Variants in OTOGL observed in about 807,000 individuals in gnomAD.
The protein encoded by OTOGL is otogelin-like protein.
OTOGL carries 285 observed loss-of-function variants against 318.5 expected under a neutral mutation model. That is an observed-to-expected ratio of 0.89 (90% CI 0.81 to 0.99). OTOGL has a LOEUF of 0.99. Among genes scored for constraint, OTOGL ranks in the 50% least tolerant of loss-of-function variants. OTOGL has a pLI of 0.00. For synonymous variants in OTOGL, 987 were observed against 936.5 expected, an observed-to-expected ratio of 1.05 and a Z score of -0.99; for missense variants, 2,899 against 2,845.6, an observed-to-expected ratio of 1.02 and a Z score of -0.43.
At chr12:80,269,556 A>T (rs1383242608) in intron 22 of OTOGL, among the ~76,000 whole-genome samples, 1 of 152,146 alleles carries the variant, frequency 6.6e-6, no homozygotes, top group African/African-American at 2.4e-5. Context: ...CCCTTCCTGC[A>T]TTGCACTTTG....
At position 80,368,169 on chromosome 12, in the gene OTOGL, G is replaced by A. The variant is rs750597065; in HGVS notation, c.6511-36G>A. On this transcript the variant is annotated intron_variant, in intron 54 of 58. Coordinates refer to ENST00000547103, the MANE Select transcript of OTOGL (RefSeq NM_001378609.3). ...CCAGAAGTAATTCATTAAAAATATT[G>A]ATATGGTGTCGCTAATCTAATATCA... The A allele has an allele frequency of 8.6e-6, 12 of 1,396,488 alleles. No individual in the cohort carries two copies. The East Asian group carries it at 2.2e-4, about 25-fold the overall frequency. The allele number at this position is 1,396,488 out of a possible 1,614,324, so 86.5% of individuals were successfully genotyped here. A position where few individuals can be genotyped will look rare whatever the true frequency, so the allele number is the denominator to read the frequency against.
intron 1 of OTOGL, among the ~76,000 whole-genome samples, chr12:80,153,474 T>G (rs1872917825): frequency 1.3e-5 from 2 of 152,212 alleles, no homozygotes; most frequent in East Asian, 1.9e-4. Flanking sequence ...TCTTCACTCA[T>G]GTATAGCCTC....
chr12:80,250,055 C>T (rs542912106), intron 11 of OTOGL, among the ~76,000 whole-genome samples: 17 of 152,124 alleles, frequency 1.1e-4, no homozygotes, highest in Admixed American at 9.8e-4. Flanking sequence ...CTGACCTGCG[C>T]CCACTGTCTG....
chr12:80,128,442 C>T (rs1871001498), intron 1 of OTOGL, among the ~76,000 whole-genome samples: 1 of 152,232 alleles, frequency 6.6e-6, no homozygotes, highest in Non-Finnish European at 1.5e-5. Flanking sequence ...AGGTGTCAGT[C>T]TGCCCCTACT....
At chr12:80,237,705 T>G (rs1240294956) in intron 9 of OTOGL, among the ~76,000 whole-genome samples, 1 of 152,094 alleles carries the variant, frequency 6.6e-6, no homozygotes, top group Non-Finnish European at 1.5e-5. Context: ...ATGGTAAAGT[T>G]TAGGATTTTA....
chr12:80,201,341 C>A (rs1316069869), intron 1 of OTOGL, among the ~76,000 whole-genome samples: 1 of 152,076 alleles, frequency 6.6e-6, no homozygotes, highest in African/African-American at 2.4e-5. Context: ...TGGTGAGGGC[C>A]TCAGGAAGCT....
chr12:80,345,195 A>T (rs1889111060), intron 44 of OTOGL, among the ~76,000 whole-genome samples: 1 of 132,558 alleles, frequency 7.5e-6, no homozygotes, highest in Non-Finnish European at 1.6e-5. Context: ...TTTATAATGT[A>T]TATTATATAT....
intron 44 of OTOGL, among the ~76,000 whole-genome samples, chr12:80,351,377 G>A (rs1889538230): frequency 6.6e-6 from 1 of 151,894 alleles, no homozygotes; most frequent in African/African-American, 2.4e-5. Flanking sequence ...GCACAGTGGT[G>A]CGATCTCGGC....
At chr12:80,307,316 T>A (rs1368134736) in intron 29 of OTOGL, among the ~76,000 whole-genome samples, 1 of 151,876 alleles carries the variant, frequency 6.6e-6, no homozygotes, top group Non-Finnish European at 1.5e-5. Flanking sequence ...CTCAATGAGC[T>A]GTTGGGTACA....
intron 26 of OTOGL, among the ~76,000 whole-genome samples, chr12:80,296,329 C>T (rs1040060703): frequency 6.6e-6 from 1 of 152,178 alleles, no homozygotes; most frequent in Non-Finnish European, 1.5e-5. Context: ...TTGGATAATA[C>T]ATGTAAAATT....
At chr12:80,349,846 A>G (rs1037338) in intron 44 of OTOGL, among the ~76,000 whole-genome samples, 141,451 of 152,296 alleles carry the variant, frequency 0.93, 65,762 homozygotes, top group East Asian at 1. Flanking sequence ...ACTGTGTACA[A>G]CGTGGTGTTT....
chr12:80,255,541 A>G (rs1323171580), intron 16 of OTOGL, among the ~76,000 whole-genome samples: 1 of 152,084 alleles, frequency 6.6e-6, no homozygotes, highest in East Asian at 1.9e-4. Flanking sequence ...CATTTTATGC[A>G]TGATTGTACA....
chr12:80,356,604 A>C, intron 48 of OTOGL, 84 bp downstream of exon 48: 1 of 1,136,066 alleles, frequency 8.8e-7, no homozygotes, highest in Admixed American at 2.7e-5. Flanking sequence ...TTGTGTCTCC[A>C]AGAGAATGAT....
intron 4 of OTOGL, among the ~76,000 whole-genome samples, chr12:80,216,931 A>C (rs939713557): frequency 6.6e-6 from 1 of 152,184 alleles, no homozygotes; most frequent in Admixed American, 6.5e-5. Flanking sequence ...CATGTACCCT[A>C]AAACTTAAAG....
chr12:80,184,879 A>G (rs1162717626), intron 1 of OTOGL, among the ~76,000 whole-genome samples: 2 of 152,192 alleles, frequency 1.3e-5, no homozygotes, highest in Admixed American at 1.3e-4. Flanking sequence ...GCATCTTATA[A>G]GTCAGTATTC....
chr12:80,122,686 C>T (rs904070098), intron 1 of OTOGL, among the ~76,000 whole-genome samples: 2 of 152,058 alleles, frequency 1.3e-5, no homozygotes, highest in African/African-American at 4.8e-5. Context: ...TGTCTTTTAC[C>T]TTTCTGAGTA....
At chr12:80,125,713 A>G (rs1485461759) in intron 1 of OTOGL, among the ~76,000 whole-genome samples, 2 of 152,114 alleles carry the variant, frequency 1.3e-5, no homozygotes, top group African/African-American at 4.8e-5. Context: ...CCTCAATTTC[A>G]GAGCCTGTTA....
intron 7 of OTOGL, among the ~76,000 whole-genome samples, chr12:80,227,362 A>T (rs866091150): frequency 3.9e-5 from 6 of 152,144 alleles, no homozygotes; most frequent in South Asian, 2.1e-4. Flanking sequence ...TCAACTATGT[A>T]TTTTTAAAGT....
At chr12:80,219,980 A>G (rs1878149142) in intron 6 of OTOGL, 68 bp downstream of exon 6, 3 of 1,154,482 alleles carry the variant, frequency 2.6e-6, no homozygotes, top group Admixed American at 2.1e-5. Flanking sequence ...ATAATTTGCT[A>G]TAATAATGTT....
Sources: allele counts gnomAD v4.1 joint callset (sites outside exome capture counted in the v4.1 genomes callset), GRCh38; gene constraint gnomAD v4.1.1; transcripts MANE v1.5; gene names NCBI Gene and HGNC (gene_info 2026-07-23, HGNC 2026-07-21).